NUP214: variants seen among roughly 807,000 people sequenced by gnomAD.
The protein encoded by NUP214 is nuclear pore complex protein Nup214.
In NUP214, 79 loss-of-function variants were observed where a neutral mutation model predicts 196.2. The ratio of observed to expected loss-of-function variants is 0.40; its 90% confidence interval spans 0.34 to 0.49. The LOEUF (loss-of-function observed/expected upper bound fraction) is 0.49. Among genes scored for constraint, NUP214 ranks in the 20% least tolerant of loss-of-function variants. The pLI is 0.58. For missense variants in NUP214, 2,468 were observed against 2,539.0 expected (o/e 0.97, Z 0.60); for synonymous variants, 1,020 against 990.5 (o/e 1.03, Z -0.56).
chr9:131,201,200 G>A (rs906850212), intron 29 of NUP214, among the ~76,000 whole-genome samples: 1 of 151,150 alleles, frequency 6.6e-6, no homozygotes, highest in African/African-American at 2.4e-5. Context: ...TGGGTGCGGT[G>A]GCCCACACCT....
At chr9:131,132,811 A>G (rs1831597096) in intron 6 of NUP214, 152 bp downstream of exon 6, 1 of 690,020 alleles carries the variant, frequency 1.4e-6, no homozygotes. Context: ...AAGTCAGTGT[A>G]AATTATGGCC....
chr9:131,193,629 C>CTTTTTTTTTTGTTTTT (rs1833679142), intron 27 of NUP214, among the ~76,000 whole-genome samples: 1 of 28,218 alleles, frequency 3.5e-5, no homozygotes, highest in African/African-American at 1.2e-4. Context: ...TCTTCCTTTT[C>CTTTTTTTTTTGTTTTT]TTTTTTTTTT....
At chr9:131,171,145 G>A (rs969001956) in intron 21 of NUP214, among the ~76,000 whole-genome samples, 1 of 152,210 alleles carries the variant, frequency 6.6e-6, no homozygotes, top group African/African-American at 2.4e-5. Context: ...AATGGTGGAG[G>A]CAGCACCATT....
chr9:131,153,466 C>G (rs1323575940), intron 17 of NUP214: 1 of 152,104 alleles, frequency 6.6e-6, no homozygotes, highest in African/African-American at 2.4e-5. Flanking sequence ...TGGATATTAC[C>G]TCTCAGCAAG....
At chr9:131,181,582 C>T (rs1051722556) in intron 24 of NUP214, among the ~76,000 whole-genome samples, 1 of 152,174 alleles carries the variant, frequency 6.6e-6, no homozygotes, top group Admixed American at 6.5e-5. Flanking sequence ...TCCCTAATGG[C>T]TGGTGATATT....
chr9:131,150,596 C>T lies in NUP214; in HGVS notation c.2128-20C>T, dbSNP rs1181373893. ...GTTTGTCCTTCAGACTGAGTAGTTC[C>T]TCACTTGTGGCTTCTACAGATTGCA... On this transcript the variant is annotated intron_variant, in intron 15 of 35. Transcript: ENST00000359428. The T allele has an allele frequency of 6.2e-7, 1 of 1,608,954 alleles. No individual in the cohort carries two copies. Among genetic ancestry groups the T allele is most frequent in the Non-Finnish European group, 8.5e-7 (1 of 1,178,072 alleles).
At chr9:131,151,946 A>G (rs781549209) in intron 17 of NUP214, 52 bp downstream of exon 17, 1 of 1,405,262 alleles carries the variant, frequency 7.1e-7, no homozygotes, top group South Asian at 1.4e-5. Context: ...AGCTCATGTA[A>G]CAATTGCTAC....
chr9:131,130,051 C>T (rs1418126836), intron 4 of NUP214, among the ~76,000 whole-genome samples: 3 of 150,662 alleles, frequency 2.0e-5, no homozygotes, highest in Non-Finnish European at 2.9e-5. Flanking sequence ...GGATCTGTAA[C>T]GGTGGTACTC....
chr9:131,162,374 TCA>T (rs1832666794), intron 18 of NUP214, among the ~76,000 whole-genome samples: 1 of 152,174 alleles, frequency 6.6e-6, no homozygotes, highest in Admixed American at 6.5e-5. Context: ...ATTAATGCAG[TCA>T]GAAAAAAATT....
chr9:131,200,072 G>A (rs1303566168), intron 29 of NUP214, among the ~76,000 whole-genome samples: 1 of 152,196 alleles, frequency 6.6e-6, no homozygotes, highest in Admixed American at 6.5e-5. Flanking sequence ...GTGTAACACA[G>A]TCCGTATCAC....
intron 24 of NUP214, 183 bp from the exon 25 acceptor site, chr9:131,187,106 C>T: frequency 1.8e-6 from 1 of 569,934 alleles, no homozygotes; most frequent in South Asian, 2.3e-5. Flanking sequence ...TGCTAAAAAC[C>T]CAAAGTTCAT....
At chr9:131,169,034 G>GT (rs58054099) in intron 21 of NUP214, among the ~76,000 whole-genome samples, 115,521 of 124,146 alleles carry the variant, frequency 0.93, 54,176 homozygotes, top group Non-Finnish European at 0.96. Flanking sequence ...GTTTTTTTTT[G>GT]TTTTTTTTTT....
intron 5 of NUP214, among the ~76,000 whole-genome samples, chr9:131,132,376 A>T (rs1002971012): frequency 3.3e-5 from 5 of 151,970 alleles, no homozygotes; most frequent in African/African-American, 1.2e-4. Flanking sequence ...GGCCTCCCAA[A>T]GTGTTGAGAT....
chr9:131,223,797 C>T (rs1834648604), intron 32 of NUP214, among the ~76,000 whole-genome samples: 1 of 123,838 alleles, frequency 8.1e-6, no homozygotes, highest in Admixed American at 9.7e-5. Flanking sequence ...TGCAGTGGCG[C>T]AATCTCGGCT....
intron 24 of NUP214, among the ~76,000 whole-genome samples, chr9:131,179,479 A>G (rs764003061): frequency 5.3e-5 from 8 of 152,182 alleles, no homozygotes; most frequent in Non-Finnish European, 1.0e-4. Context: ...GTTGAGGGAC[A>G]TTTCCTCACT....
At chr9:131,203,180 C>T (rs1833987313) in intron 30 of NUP214, among the ~76,000 whole-genome samples, 2 of 151,074 alleles carry the variant, frequency 1.3e-5, no homozygotes, top group Admixed American at 6.6e-5. Flanking sequence ...CTCCTGATCT[C>T]GTGATCCGCC....
At chr9:131,140,459 AC>A (rs1831875637) in intron 10 of NUP214, 89 bp from the exon 11 acceptor site, 1 of 1,108,780 alleles carries the variant, frequency 9.0e-7, no homozygotes, top group Admixed American at 2.3e-5. Flanking sequence ...AGTCCCTTAA[AC>A]CCTCTTCATG....
At chr9:131,207,485 CGTG>C (rs1280440826) in intron 30 of NUP214, among the ~76,000 whole-genome samples, 1 of 152,186 alleles carries the variant, frequency 6.6e-6, no homozygotes, top group African/African-American at 2.4e-5. Flanking sequence ...TTCCTCACAA[CGTG>C]GTGGCTAGGT....
At chr9:131,217,325 C>T (rs1404693538) in intron 31 of NUP214, among the ~76,000 whole-genome samples, 1 of 152,222 alleles carries the variant, frequency 6.6e-6, no homozygotes, top group Non-Finnish European at 1.5e-5. Context: ...AGGTTTCAGT[C>T]TGCCAGGAGG....
Sources: allele counts gnomAD v4.1 joint callset (sites outside exome capture counted in the v4.1 genomes callset), GRCh38; gene constraint gnomAD v4.1.1; transcripts MANE v1.5; gene names NCBI Gene and HGNC (gene_info 2026-07-23, HGNC 2026-07-21).